PCDHA1: variants seen among roughly 807,000 people sequenced by gnomAD.
PCDHA1 encodes protocadherin alpha-1.
Under a neutral mutation model 61.3 loss-of-function variants are expected in PCDHA1, and 42 were observed. That is an observed-to-expected ratio of 0.69 (90% CI 0.54 to 0.89). The LOEUF (loss-of-function observed/expected upper bound fraction) is 0.89. Ranked by LOEUF, PCDHA1 falls within the 40% of genes least tolerant of loss-of-function variation. The pLI is 0.00. For missense variants in PCDHA1, 1,256 were observed against 1,235.3 expected (o/e 1.02, Z -0.25); for synonymous variants, 610 against 553.8 (o/e 1.10, Z -1.43).
intron 1 of PCDHA1, chr5:140,795,509 T>C (rs954251616): frequency 2.5e-6 from 4 of 1,614,022 alleles, no homozygotes; most frequent in Middle Eastern, 1.6e-4. Flanking sequence ...TTCCTAGATA[T>C]ACAGGCAAAT....
At chr5:140,849,121 A>T (rs2150430770) in intron 1 of PCDHA1, 1 of 1,407,396 alleles carries the variant, frequency 7.1e-7, no homozygotes. Flanking sequence ...CCGGAGCTTC[A>T]TTTATTGCTC....
intron 1 of PCDHA1, among the ~76,000 whole-genome samples, chr5:140,963,794 A>G (rs2095791576): frequency 6.6e-6 from 1 of 152,248 alleles, no homozygotes; most frequent in Non-Finnish European, 1.5e-5. Flanking sequence ...ACAATAATGT[A>G]CTTAACTAGT....
At chr5:140,826,875 T>G (rs2150145673) in intron 1 of PCDHA1, among the ~76,000 whole-genome samples, 1 of 152,218 alleles carries the variant, frequency 6.6e-6, no homozygotes, top group South Asian at 2.1e-4. Flanking sequence ...TAAAATTCAA[T>G]GAAAGCTGTA....
chr5:140,872,442 C>T (rs1443444144), intron 1 of PCDHA1, among the ~76,000 whole-genome samples: 1 of 152,070 alleles, frequency 6.6e-6, no homozygotes, highest in Non-Finnish European at 1.5e-5. Context: ...GCCTGGACAA[C>T]ATAGCGAGAT....
chr5:140,875,657 G>A (rs1241102848), intron 1 of PCDHA1: 1 of 1,613,738 alleles, frequency 6.2e-7, no homozygotes, highest in South Asian at 1.1e-5. Context: ...CTGGTGCCGC[G>A]CCTGTTCCGG....
At chr5:140,833,422 G>C (rs2150208269) in intron 1 of PCDHA1, among the ~76,000 whole-genome samples, 10 of 152,298 alleles carry the variant, frequency 6.6e-5, no homozygotes, top group African/African-American at 2.2e-4. Flanking sequence ...CTGTATGTGA[G>C]ATGGCTGAGC....
At chr5:140,838,208 G>A (rs1272239930) in intron 1 of PCDHA1, among the ~76,000 whole-genome samples, 1 of 150,064 alleles carries the variant, frequency 6.7e-6, no homozygotes, top group Non-Finnish European at 1.5e-5. Flanking sequence ...CCGCCTCTCT[G>A]GTACAAGCAG....
chr5:140,967,147 C>A (rs782815903), intron 1 of PCDHA1: 7 of 1,611,068 alleles, frequency 4.3e-6, no homozygotes, highest in South Asian at 2.2e-5. Flanking sequence ...TGGCGCACAA[C>A]CCCGTGGCGG....
rs200390545 is a variant in PCDHA1 at position 140,821,737 on chromosome 5, G to A, written c.2394+33053G>A. ...TTGAATTTACAAAATACATTGTGTG[G>A]TGATGCAATAGAAAGCTCATAATTG... On this transcript the variant is annotated intron_variant, in intron 1 of 3. Transcript: ENST00000504120. 269 of 1,541,764 alleles carry A rather than the reference G, an allele frequency of 1.7e-4. 1 individual carries two copies. Among genetic ancestry groups the A allele is most frequent in the Middle Eastern group, 7.0e-4 (4 of 5,738 alleles).
rs7702779 is a variant in PCDHA1, at chr5:140,808,438, C to T, written c.2394+19754C>T. 9.9e-3 allele frequency: 16,033 copies of T among 1,614,150 alleles called. 1,356 individuals are homozygous for T. In the African/African-American group the frequency reaches 0.19, roughly 19 times the overall value. ...TGGACAGTGCCCTGGACCGCGAGAG[C>T]GTGTCAGCCTATGAGCTGGTGGTGA... On this transcript the variant is annotated intron_variant, in intron 1 of 3. Transcript: ENST00000504120.
chr5:140,856,649 C>T, intron 1 of PCDHA1: 1 of 1,598,072 alleles, frequency 6.3e-7, no homozygotes, highest in South Asian at 1.1e-5. Context: ...GCTGCTGGAT[C>T]GTGAAGAAAA....
chr5:140,792,470 G>A (rs2149904977), intron 1 of PCDHA1, among the ~76,000 whole-genome samples: 1 of 152,280 alleles, frequency 6.6e-6, no homozygotes, highest in Admixed American at 6.5e-5. Context: ...GCAGTGGGAG[G>A]AAGGATATTT....
intron 1 of PCDHA1, chr5:140,967,059 C>A (rs2153750398): frequency 6.2e-7 from 1 of 1,612,750 alleles, no homozygotes; most frequent in Non-Finnish European, 8.5e-7. Context: ...ACGAGTGGAG[C>A]GCTCTTCGTC....
At chr5:140,952,160 G>A (rs952147312) in intron 1 of PCDHA1, among the ~76,000 whole-genome samples, 1 of 152,044 alleles carries the variant, frequency 6.6e-6, no homozygotes, top group Non-Finnish European at 1.5e-5. Context: ...GGCTTTGTGG[G>A]GTTCAGTTCC....
At chr5:140,857,146 C>T (rs1554149571) in intron 1 of PCDHA1, 3 of 1,598,132 alleles carry the variant, frequency 1.9e-6, no homozygotes, top group East Asian at 2.2e-5. Flanking sequence ...AAGTGGGCAC[C>T]GTCATTGCCC....
intron 1 of PCDHA1, chr5:140,803,526 C>A: frequency 6.2e-7 from 1 of 1,614,218 alleles, no homozygotes; most frequent in Non-Finnish European, 8.5e-7. Context: ...CCCTAGCCTT[C>A]CTCCTTGTCC....
chr5:140,869,633 A>G (rs376162708), intron 1 of PCDHA1: 3 of 1,613,612 alleles, frequency 1.9e-6, no homozygotes, highest in Non-Finnish European at 2.5e-6. Context: ...AAAAATGAGT[A>G]TTTTTCTTTA....
chr5:140,902,563 G>C (rs1472097639), intron 1 of PCDHA1, among the ~76,000 whole-genome samples: 2 of 151,808 alleles, frequency 1.3e-5, no homozygotes, highest in African/African-American at 4.8e-5. Context: ...GATTTTTGAG[G>C]GTTTTTAAGA....
At chr5:140,873,113 C>T (rs2054104761) in intron 1 of PCDHA1, among the ~76,000 whole-genome samples, 1 of 152,114 alleles carries the variant, frequency 6.6e-6, no homozygotes, top group Admixed American at 6.5e-5. Flanking sequence ...TACCATTTGG[C>T]ACAATATTCA....
Sources: allele counts gnomAD v4.1 joint callset (sites outside exome capture counted in the v4.1 genomes callset), GRCh38; gene constraint gnomAD v4.1.1; transcripts MANE v1.5; gene names NCBI Gene and HGNC (gene_info 2026-07-23, HGNC 2026-07-21).